PRKCH: variants seen among roughly 807,000 people sequenced by gnomAD.
PRKCH encodes the protein protein kinase C eta type.
Under a neutral mutation model 82.5 loss-of-function variants are expected in PRKCH, and 28 were observed. The ratio of observed to expected loss-of-function variants is 0.34; its 90% CI spans 0.25 to 0.47. The LOEUF (loss-of-function observed/expected upper bound fraction) is 0.47. Ranked by LOEUF, PRKCH falls within the 20% of genes least tolerant of loss-of-function variation. PRKCH has a pLI of 1.00. For synonymous variants in PRKCH, 322 were observed against 327.4 expected (o/e 0.98, Z 0.18); for missense variants, 705 against 881.8 (o/e 0.80, Z 2.54).
At chr14:61,191,282 G>A (rs1028922503) in intron 1 of PRKCH, among the ~76,000 whole-genome samples, 1 of 152,196 alleles carries the variant, frequency 6.6e-6, no homozygotes. Context: ...CACTGACTGA[G>A]TTTGTTAAGG....
Position 61,464,448 on chromosome 14 carries a change from C to T in PRKCH, c.1278+6769C>T, listed in dbSNP as rs555164681. On this transcript the variant is annotated intron_variant, in intron 9 of 13. Coordinates refer to ENST00000332981, the MANE Select transcript of PRKCH (RefSeq NM_006255.5). ...ATGTGCTGAACTTGCAGGTTTGTTACATAGGTGTACATGTGCCATGGTGGT... is the reference window on the plus strand; with the variant it reads ...ATGTGCTGAACTTGCAGGTTTGTTATATAGGTGTACATGTGCCATGGTGGT... Among the ~76,000 whole-genome samples, 5 of 151,716 alleles carry T rather than the reference C, an allele frequency of 3.3e-5. No individual in the cohort carries two copies. In the East Asian group the frequency reaches 9.7e-4, roughly 29 times the overall value.
chr14:61,267,789 T>C (rs1024839865), intron 1 of PRKCH, among the ~76,000 whole-genome samples: 1 of 152,234 alleles, frequency 6.6e-6, no homozygotes, highest in Non-Finnish European at 1.5e-5. Context: ...GTATAATTTA[T>C]TGAATTTAAG....
At chr14:61,330,089 G>A (rs1380497428) in intron 1 of PRKCH, among the ~76,000 whole-genome samples, 3 of 152,156 alleles carry the variant, frequency 2.0e-5, no homozygotes, top group African/African-American at 7.2e-5. Context: ...TCTTTCGTAG[G>A]GCTTGTAATT....
chr14:61,516,237 A>G (rs1451628002), intron 10 of PRKCH, among the ~76,000 whole-genome samples: 1 of 152,114 alleles, frequency 6.6e-6, no homozygotes, highest in Non-Finnish European at 1.5e-5. Flanking sequence ...ATCTCTCTAT[A>G]TGGCACAGGG....
intron 7 of PRKCH, among the ~76,000 whole-genome samples, chr14:61,454,297 TTC>T (rs1276683933): frequency 6.6e-6 from 1 of 151,352 alleles, no homozygotes; most frequent in Non-Finnish European, 1.5e-5. Context: ...AAGACGGAGT[TTC>T]TCCATGTTGG....
chr14:61,199,075 G>A (rs1241986852), intron 1 of PRKCH, among the ~76,000 whole-genome samples: 2 of 151,962 alleles, frequency 1.3e-5, no homozygotes, highest in East Asian at 1.9e-4. Context: ...CATCAGTAGG[G>A]GAAAGAAATG....
chr14:61,417,483 G>A (rs536658493), intron 2 of PRKCH, among the ~76,000 whole-genome samples: 33 of 152,342 alleles, frequency 2.2e-4, no homozygotes, highest in Non-Finnish European at 4.4e-4. Flanking sequence ...ATTTCCCAGA[G>A]CCTCACCTAA....
At chr14:61,504,730 A>G (rs1887064541) in intron 10 of PRKCH, among the ~76,000 whole-genome samples, 1 of 152,182 alleles carries the variant, frequency 6.6e-6, no homozygotes, top group Admixed American at 6.5e-5. Flanking sequence ...ATTTTTTAAC[A>G]TCAGTCACTA....
chr14:61,369,675 T>C (rs1243920552), intron 1 of PRKCH, among the ~76,000 whole-genome samples: 1 of 152,098 alleles, frequency 6.6e-6, no homozygotes, highest in African/African-American at 2.4e-5. Flanking sequence ...GTTCTTTTCT[T>C]GGACATTTGT....
chr14:61,356,618 A>C (rs2046153871), intron 1 of PRKCH, among the ~76,000 whole-genome samples: 1 of 152,148 alleles, frequency 6.6e-6, no homozygotes, highest in South Asian at 2.1e-4. Flanking sequence ...TAATTTATTA[A>C]GTGTTGTCTT....
intron 1 of PRKCH, among the ~76,000 whole-genome samples, chr14:61,360,217 C>T (rs760916677): frequency 2.6e-5 from 4 of 152,192 alleles, no homozygotes; most frequent in South Asian, 2.1e-4. Context: ...TATAAAAACT[C>T]GAAGAGGTTG....
intron 1 of PRKCH, among the ~76,000 whole-genome samples, chr14:61,203,845 T>C (rs1332575757): frequency 1.3e-5 from 2 of 151,204 alleles, no homozygotes; most frequent in Non-Finnish European, 2.9e-5. Context: ...CGTCTCAAAA[T>C]AATAATAATA....
intron 1 of PRKCH, among the ~76,000 whole-genome samples, chr14:61,269,558 C>G (rs964373434): frequency 6.6e-6 from 1 of 152,148 alleles, no homozygotes; most frequent in African/African-American, 2.4e-5. Flanking sequence ...TTGTTCCCCT[C>G]TATGCGTCCA....
intron 1 of PRKCH, among the ~76,000 whole-genome samples, chr14:61,247,013 C>T (rs1222690109): frequency 6.6e-6 from 1 of 152,180 alleles, no homozygotes; most frequent in Non-Finnish European, 1.5e-5. Flanking sequence ...GGCTTCCATG[C>T]TGAGATGCTC....
chr14:61,344,664 C>T (rs2045969500), intron 1 of PRKCH, among the ~76,000 whole-genome samples: 1 of 151,994 alleles, frequency 6.6e-6, no homozygotes, highest in Non-Finnish European at 1.5e-5. Flanking sequence ...CTGTAGTCAG[C>T]GGGGTTGCCT....
chr14:61,442,897 C>T, intron 2 of PRKCH: 1 of 448,936 alleles, frequency 2.2e-6, no homozygotes, highest in Middle Eastern at 6.3e-4. Flanking sequence ...ATGATTGAGC[C>T]ACTGCACTTC....
At chr14:61,301,662 T>C (rs775669034) in intron 1 of PRKCH, among the ~76,000 whole-genome samples, 31 of 152,174 alleles carry the variant, frequency 2.0e-4, no homozygotes, top group Non-Finnish European at 4.0e-4. Flanking sequence ...GTCAACATGG[T>C]GAGACCTTCT....
chr14:61,205,376 A>T (rs2044514610), intron 1 of PRKCH, among the ~76,000 whole-genome samples: 1 of 152,208 alleles, frequency 6.6e-6, no homozygotes, highest in Admixed American at 6.5e-5. Context: ...GCAATTCCAT[A>T]AAGTGATGAG....
chr14:61,294,335 T>C (rs2045389346), intron 1 of PRKCH, among the ~76,000 whole-genome samples: 1 of 152,096 alleles, frequency 6.6e-6, no homozygotes, highest in Admixed American at 6.5e-5. Context: ...TTAGCCAGGA[T>C]GGTCTCGATC....
Sources: allele counts gnomAD v4.1 joint callset (sites outside exome capture counted in the v4.1 genomes callset), GRCh38; gene constraint gnomAD v4.1.1; transcripts MANE v1.5; gene names NCBI Gene and HGNC (gene_info 2026-07-23, HGNC 2026-07-21).